Variants in CBFA2T3 observed in about 807,000 individuals in gnomAD.
CBFA2T3 encodes transcriptional corepressor CBFA2T3.
In CBFA2T3, 31 loss-of-function variants were observed where a neutral mutation model predicts 58.6. The observed-to-expected ratio is 0.53, with a 90% CI of 0.40 to 0.71. The LOEUF is 0.71. CBFA2T3 is among the 30% of genes least tolerant of loss of function. The pLI is 0.00. For missense variants in CBFA2T3, 1,076 were observed against 963.1 expected (o/e 1.12, Z -1.55); for synonymous variants, 531 against 421.9 (o/e 1.26, Z -3.17).
At chr16:88,950,566 G>A (rs1426152301) in intron 1 of CBFA2T3, 1 of 430,314 alleles carries the variant, frequency 2.3e-6, no homozygotes, top group Admixed American at 2.5e-5. Context: ...GCCACAGAGG[G>A]TCAGGAGTGT....
rs574534681 is a variant in CBFA2T3, at chr16:88,966,818, G to A, written c.151+9839C>T. Among the ~76,000 whole-genome samples, 671 of 152,256 alleles carry A rather than the reference G, an allele frequency of 4.4e-3. 2 individuals carry two copies. Among genetic ancestry groups the A allele is most frequent in the African/African-American group, 0.016 (645 of 41,546 alleles). ...TTGCAGAGCCACCCAGATGGAAGTC[G>A]GATGCAGCACGCCCACTGCTGCCCC... On this transcript the variant is annotated intron_variant, in intron 1 of 11. Transcript: ENST00000268679.
rs553040641 is a variant in CBFA2T3 at position 88,930,563 on chromosome 16, G to A, written c.152-28907C>T. Among the ~76,000 whole-genome samples the A allele has an allele frequency of 1.6e-4, 25 of 151,804 alleles. No individual in the cohort carries two copies. In the South Asian group the frequency reaches 4.6e-3, roughly 28 times the overall value. On this transcript the variant is annotated intron_variant, in intron 1 of 11. Transcript: ENST00000268679. ...CAGTGCGGGGAGCCACGAAGGCCCC[G>A]AGCTGACAAAGCCAGACACAAGGGC...
At chr16:88,932,460 C>T in intron 1 of CBFA2T3, among the ~76,000 whole-genome samples, 1 of 150,880 alleles carries the variant, frequency 6.6e-6, no homozygotes, top group Non-Finnish European at 1.5e-5. Context: ...GTAGCAAGAC[C>T]CCATCTCTAC....
chr16:88,911,650 C>T (rs543409977), intron 1 of CBFA2T3, among the ~76,000 whole-genome samples: 4 of 152,238 alleles, frequency 2.6e-5, no homozygotes, highest in Non-Finnish European at 5.9e-5. Context: ...CACGGAGGGA[C>T]GAAGTACATG....
At chr16:88,891,315 G>A (rs527904223) in intron 5 of CBFA2T3, among the ~76,000 whole-genome samples, 1 of 152,246 alleles carries the variant, frequency 6.6e-6, no homozygotes, top group Admixed American at 6.5e-5. Context: ...ACCCTGCGCT[G>A]GCTCTGCACC....
chr16:88,943,229 G>T (rs377330336), intron 1 of CBFA2T3, among the ~76,000 whole-genome samples: 6 of 152,196 alleles, frequency 3.9e-5, no homozygotes, highest in Admixed American at 3.3e-4. Flanking sequence ...CAATGCCTGC[G>T]GCAGCTGTGG....
intron 1 of CBFA2T3, 44 bp from the exon 2 acceptor site, chr16:88,901,700 T>G (rs775197211): frequency 4.7e-6 from 7 of 1,503,302 alleles, no homozygotes; most frequent in Non-Finnish European, 5.3e-6. Flanking sequence ...GCAGGCTAAG[T>G]GCAAAGGCCA....
At chr16:88,957,536 C>G (rs367589559) in intron 1 of CBFA2T3, 1 of 152,332 alleles carries the variant, frequency 6.6e-6, no homozygotes, top group Non-Finnish European at 1.5e-5. Context: ...CTTGCTGACC[C>G]CCACACCTGT....
intron 3 of CBFA2T3, among the ~76,000 whole-genome samples, chr16:88,896,472 C>T (rs12445159): frequency 0.19 from 28,600 of 152,082 alleles, 2,859 homozygotes; most frequent in East Asian, 0.44. Context: ...TGGACGCTGA[C>T]ACAGGATGCA....
chr16:88,961,175 A>C (rs1292342232), intron 1 of CBFA2T3, among the ~76,000 whole-genome samples: 1 of 152,170 alleles, frequency 6.6e-6, no homozygotes, highest in African/African-American at 2.4e-5. Flanking sequence ...CTGCTGTAAC[A>C]GATCTGTAAA....
At chr16:88,932,116 C>T (rs1385290219) in intron 1 of CBFA2T3, among the ~76,000 whole-genome samples, 1 of 152,146 alleles carries the variant, frequency 6.6e-6, no homozygotes, top group Non-Finnish European at 1.5e-5. Context: ...GACGCAGTGA[C>T]CTTGGGGCTG....
chr16:88,896,392 C>T (rs771700520), intron 3 of CBFA2T3, among the ~76,000 whole-genome samples: 5 of 152,176 alleles, frequency 3.3e-5, no homozygotes, highest in Admixed American at 6.5e-5. Flanking sequence ...ATGGACGCAC[C>T]GGCCCTCTGG....
intron 1 of CBFA2T3, among the ~76,000 whole-genome samples, chr16:88,920,308 G>A (rs1010835256): frequency 5.3e-5 from 8 of 152,116 alleles, no homozygotes; most frequent in Admixed American, 2.6e-4. Context: ...ATGGAGTCTC[G>A]CTCTGTCACC....
chr16:88,947,131 AC>A (rs1971923574), intron 1 of CBFA2T3, among the ~76,000 whole-genome samples: 1 of 152,258 alleles, frequency 6.6e-6, no homozygotes, highest in Non-Finnish European at 1.5e-5. Flanking sequence ...ATCGGTTGTA[AC>A]GAATGTATCA....
chr16:88,876,233 G>A lies in CBFA2T3; in HGVS notation c.*743C>T. ...GGTAGTTCACAAGTATGCTTCCTTT[G>A]CTTTTTTAAAAAAACTTTTTGGATT... On this transcript the variant is annotated 3_prime_UTR_variant, in exon 12 of 12. Coordinates refer to ENST00000268679, the MANE Select transcript of CBFA2T3 (RefSeq NM_005187.6). 4.4e-6 allele frequency: 1 copy of A among 229,784 alleles called. No individual in the cohort carries two copies. The highest frequency in any genetic ancestry group is 6.2e-5 in the East Asian group (1 of 16,114). 14.2% of individuals were successfully genotyped at this position (229,784 alleles called of 1,614,324 possible). A position where few individuals can be genotyped will look rare whatever the true frequency, so the allele number is the denominator to read the frequency against.
intron 1 of CBFA2T3, chr16:88,941,023 C>T: frequency 1.0e-6 from 1 of 982,516 alleles, no homozygotes; most frequent in Non-Finnish European, 1.2e-6. Flanking sequence ...CACTTACGGT[C>T]GGGGGGTCCG....
intron 7 of CBFA2T3, chr16:88,884,483 T>C (rs1331904395): frequency 6.6e-6 from 1 of 152,398 alleles, no homozygotes; most frequent in Admixed American, 6.5e-5. Context: ...ATCTGTGGTA[T>C]GGGGGTGCTG....
At chr16:88,897,977 G>T (rs773774656) in intron 3 of CBFA2T3, 101 bp downstream of exon 3, 2 of 860,110 alleles carry the variant, frequency 2.3e-6, no homozygotes, top group Admixed American at 1.8e-5. Context: ...CGGAGGCCGG[G>T]GAGGAGAGCT....
At position 88,878,587 on chromosome 16, in the gene CBFA2T3, C is replaced by T. The variant is rs536118378; in HGVS notation, c.1662+683G>A. Among the ~76,000 whole-genome samples the T allele has an allele frequency of 5.9e-5, 9 of 152,340 alleles. No homozygotes were observed. The South Asian group carries it at 6.2e-4, about 11-fold the overall frequency. ...CCGTGTGCACCGGGAGGGAGCCGGGCGCCTCGGACGCCACCTGGGGCCCTC... is the reference window on the plus strand; with the variant it reads ...CCGTGTGCACCGGGAGGGAGCCGGGTGCCTCGGACGCCACCTGGGGCCCTC... On this transcript the variant is annotated intron_variant, in intron 11 of 11. Coordinates refer to ENST00000268679, the MANE Select transcript of CBFA2T3 (RefSeq NM_005187.6).
Sources: allele counts gnomAD v4.1 joint callset (sites outside exome capture counted in the v4.1 genomes callset), GRCh38; gene constraint gnomAD v4.1.1; transcripts MANE v1.5; gene names NCBI Gene and HGNC (gene_info 2026-07-23, HGNC 2026-07-21).